The following CEP63 variants were observed in gnomAD, a reference collection of about 807,000 sequenced individuals.
The protein encoded by CEP63 is centrosomal protein of 63 kDa.
Under a neutral mutation model 89.1 loss-of-function variants are expected in CEP63, and 84 were observed. That is an observed-to-expected ratio of 0.94 (90% CI 0.79 to 1.13). CEP63 has a LOEUF of 1.13. CEP63 is among the 50% of genes most tolerant of loss of function. The pLI is 0.00. For synonymous variants in CEP63, 267 were observed against 272.5 expected, an observed-to-expected ratio of 0.98 and a Z score of 0.20; for missense variants, 838 against 813.3, an observed-to-expected ratio of 1.03 and a Z score of -0.37.
chr3:134,546,129 C>G lies in CEP63; in HGVS notation c.790-20C>G. On this transcript the variant is annotated intron_variant, in intron 7 of 14. Coordinates refer to ENST00000675561, the MANE Select transcript of CEP63 (RefSeq NM_001353108.3). ...AATTAAAAAGAAGGAAAATTATAAT[C>G]ATATTTGACTTTTTTGCAGGCTCTG... 6.2e-7 allele frequency: 1 copy of G among 1,612,538 alleles called. No homozygotes were observed. Among genetic ancestry groups the G allele is most frequent in the Non-Finnish European group, 8.5e-7 (1 of 1,179,376 alleles).
chr3:134,708,715 C>A, the CEP63 span, among the ~76,000 whole-genome samples: 2 of 152,158 alleles, frequency 1.3e-5, no homozygotes, highest in Non-Finnish European at 2.9e-5. Context: ...GAAGCACATG[C>A]CTTCCTGCCC....
the CEP63 span, among the ~76,000 whole-genome samples, chr3:134,623,894 C>T: frequency 6.6e-6 from 1 of 152,152 alleles, no homozygotes; most frequent in African/African-American, 2.4e-5. Context: ...TGGCTCCAGG[C>T]CCTATGGGCT....
chr3:134,486,110 A>G lies in CEP63; in HGVS notation c.-118A>G, dbSNP rs1390373833. 2 of 985,376 alleles carry G rather than the reference A, an allele frequency of 2.0e-6. No homozygotes were observed. The highest frequency in any genetic ancestry group is 1.2e-6 in the Non-Finnish European group (1 of 830,004). 61.0% of individuals were successfully genotyped at this position (985,376 alleles called of 1,614,324 possible). On this transcript the variant is annotated 5_prime_UTR_variant, in exon 1 of 15. Transcript: ENST00000675561. ...TGGAGAAGGCATTGTTTCAATTATTAAAAGTGTGGGGGCAGTGGGCGGAAC... is the reference window on the plus strand; with the variant it reads ...TGGAGAAGGCATTGTTTCAATTATTGAAAGTGTGGGGGCAGTGGGCGGAAC...
the CEP63 span, among the ~76,000 whole-genome samples, chr3:134,688,135 C>G: frequency 6.6e-6 from 1 of 152,176 alleles, no homozygotes; most frequent in African/African-American, 2.4e-5. Flanking sequence ...CAGTATTATT[C>G]ATGATCGCCA....
At chr3:134,660,019 G>A in the CEP63 span, among the ~76,000 whole-genome samples, 2 of 152,252 alleles carry the variant, frequency 1.3e-5, no homozygotes, top group Non-Finnish European at 2.9e-5. Context: ...AATAAGCCGC[G>A]GTCCTTATTA....
intron 2 of CEP63, among the ~76,000 whole-genome samples, chr3:134,506,094 C>T (rs533757685): frequency 6.6e-6 from 1 of 152,274 alleles, no homozygotes; most frequent in African/African-American, 2.4e-5. Flanking sequence ...TTCTGTCACA[C>T]TAAGAACAGG....
the CEP63 span, among the ~76,000 whole-genome samples, chr3:134,605,804 C>T: frequency 1.1e-4 from 16 of 152,146 alleles, no homozygotes; most frequent in Non-Finnish European, 1.6e-4. Context: ...CTGGCCTCCA[C>T]GCCTTCCTCT....
chr3:134,767,186 C>A, the CEP63 span, among the ~76,000 whole-genome samples: 2 of 152,268 alleles, frequency 1.3e-5, no homozygotes, highest in Non-Finnish European at 2.9e-5. Context: ...GCCTTTCAAA[C>A]CAATGCATTA....
the CEP63 span, among the ~76,000 whole-genome samples, chr3:134,672,585 G>GGCA: frequency 2.6e-5 from 4 of 152,014 alleles, no homozygotes; most frequent in Non-Finnish European, 5.9e-5. Context: ...TCTGGCAAAA[G>GGCA]GCAGCTGATT....
chr3:134,707,665 T>C, the CEP63 span, among the ~76,000 whole-genome samples: 2 of 151,778 alleles, frequency 1.3e-5, no homozygotes, highest in South Asian at 4.2e-4. Context: ...TGTTGAACAG[T>C]GCAGGCTTCT....
chr3:134,697,135 T>G, the CEP63 span, among the ~76,000 whole-genome samples: 1 of 152,152 alleles, frequency 6.6e-6, no homozygotes, highest in Non-Finnish European at 1.5e-5. Context: ...AGGGAGGTGG[T>G]GTGAACACAG....
Position 134,562,111 on chromosome 3 carries a change from A to G in CEP63, c.*576A>G, listed in dbSNP as rs565928653. 5.5e-5 allele frequency: 54 copies of G among 990,292 alleles called. No individual in the cohort carries two copies. Among genetic ancestry groups the G allele is most frequent in the South Asian group, 9.2e-5 (2 of 21,730 alleles). 61.3% of individuals were successfully genotyped at this position (990,292 alleles called of 1,614,324 possible). On this transcript the variant is annotated 3_prime_UTR_variant, in exon 15 of 15. Coordinates refer to ENST00000675561, the MANE Select transcript of CEP63 (RefSeq NM_001353108.3). Reference sequence around the variant, plus strand: ...TTATCAAGCAGTCCTCTCTTGCTCAACACTCATGCAGAGGAGAGAGGCAGG... The same window carrying G: ...TTATCAAGCAGTCCTCTCTTGCTCAGCACTCATGCAGAGGAGAGAGGCAGG...
At chr3:134,545,404 A>T (rs1370691519) in intron 6 of CEP63, among the ~76,000 whole-genome samples, 182 bp from the exon 7 acceptor site, 1 of 152,132 alleles carries the variant, frequency 6.6e-6, no homozygotes, top group Admixed American at 6.6e-5. Context: ...TGTTAGGATT[A>T]CAGGCGTGAG....
Position 134,564,178 on chromosome 3 carries a change from A to C in CEP63, c.*2643A>C, listed in dbSNP as rs1171875675. 9.6e-6 allele frequency: 8 copies of C among 834,658 alleles called. No homozygotes were observed. The highest frequency in any genetic ancestry group is 1.2e-5 in the Non-Finnish European group (8 of 692,270). 51.7% of individuals were successfully genotyped at this position (834,658 alleles called of 1,614,324 possible). ...GGCAAGGACTTTGCTTCTCTGGTTCATGGTGGGATCCTCATCACCCAGCAC... is the reference window on the plus strand; with the variant it reads ...GGCAAGGACTTTGCTTCTCTGGTTCCTGGTGGGATCCTCATCACCCAGCAC... On this transcript the variant is annotated 3_prime_UTR_variant, in exon 15 of 15. Coordinates refer to ENST00000675561, the MANE Select transcript of CEP63 (RefSeq NM_001353108.3).
At chr3:134,692,476 T>A in the CEP63 span, among the ~76,000 whole-genome samples, 1 of 151,898 alleles carries the variant, frequency 6.6e-6, no homozygotes, top group Non-Finnish European at 1.5e-5. Flanking sequence ...TATTCCATGG[T>A]GTATAGGGAA....
intron 2 of CEP63, among the ~76,000 whole-genome samples, chr3:134,496,433 G>GC (rs950851037): frequency 1.2e-4 from 2 of 16,926 alleles, no homozygotes; most frequent in African/African-American, 2.8e-4. Context: ...GAAAAAAAAG[G>GC]GGGGGGGGGC....
the CEP63 span, among the ~76,000 whole-genome samples, chr3:134,698,057 G>T: frequency 3.3e-5 from 5 of 152,328 alleles, no homozygotes; most frequent in East Asian, 9.7e-4. Flanking sequence ...TCTGCTCAGG[G>T]TGTCTGATGG....
chr3:134,692,676 C>T, the CEP63 span, among the ~76,000 whole-genome samples: 1 of 152,190 alleles, frequency 6.6e-6, no homozygotes. Flanking sequence ...GGTCCTTGAA[C>T]AACAACTTGA....
chr3:134,583,659 G>A (rs1487629328), intron 10 of CEP63, among the ~76,000 whole-genome samples: 8 of 152,146 alleles, frequency 5.3e-5, no homozygotes, highest in Non-Finnish European at 1.0e-4. Context: ...TCTTGGCTAT[G>A]AGGGCTCTTT....
Sources: gnomAD v4.1 joint callset for allele counts (sites outside exome capture counted in the v4.1 genomes callset) on GRCh38, gnomAD v4.1.1 for gene constraint, MANE v1.5 for transcripts, NCBI Gene and HGNC (gene_info 2026-07-23, HGNC 2026-07-21) for gene names.